CTNNA3: variants seen among roughly 807,000 people sequenced by gnomAD.
CTNNA3 encodes the protein catenin alpha-3.
Under a neutral mutation model 95.7 loss-of-function variants are expected in CTNNA3, and 76 were observed. That is an observed-to-expected ratio of 0.79 (90% confidence interval 0.66 to 0.96). The LOEUF (loss-of-function observed/expected upper bound fraction) is 0.96. Among genes scored for constraint, CTNNA3 ranks in the 40% least tolerant of loss-of-function variants. The probability of loss-of-function intolerance (pLI) is 0.00; values close to 1 mark genes in which losing one functional copy is unlikely to be tolerated. For synonymous variants in CTNNA3, 431 were observed against 374.4 expected, an observed-to-expected ratio of 1.15 and a Z score of -1.74; for missense variants, 1,191 against 1,089.8, an observed-to-expected ratio of 1.09 and a Z score of -1.31.
chr10:66,439,657 C>T (rs189707375), intron 11 of CTNNA3, among the ~76,000 whole-genome samples: 21 of 151,996 alleles, frequency 1.4e-4, no homozygotes, highest in Admixed American at 2.0e-4. Context: ...GAGGAATATC[C>T]GGCTAATAAA....
chr10:67,562,095 T>C lies in CTNNA3; in HGVS notation c.293-22426A>G, dbSNP rs1001446171. On this transcript the variant is annotated intron_variant, in intron 3 of 17. Transcript: ENST00000433211. ...ATTGGTACCATTCTTTCTGAAACTATTCCAATCAATAGAAAAAGAGGGAAT... is the reference window on the plus strand; with the variant it reads ...ATTGGTACCATTCTTTCTGAAACTACTCCAATCAATAGAAAAAGAGGGAAT... 1.8e-4 allele frequency among the ~76,000 whole-genome samples: 27 copies of C among 152,158 alleles called. 1 individual carries two copies. Among genetic ancestry groups the C allele is most frequent in the Admixed American group, 1.2e-3 (18 of 15,276 alleles).
chr10:67,048,832 C>G (rs1410373078), intron 7 of CTNNA3, among the ~76,000 whole-genome samples: 2 of 152,026 alleles, frequency 1.3e-5, no homozygotes, highest in Non-Finnish European at 2.9e-5. Flanking sequence ...TGATGTCTCA[C>G]CGTTCCCAGC....
chr10:67,585,397 T>A (rs368998042), intron 3 of CTNNA3, among the ~76,000 whole-genome samples: 3 of 152,184 alleles, frequency 2.0e-5, no homozygotes, highest in Non-Finnish European at 4.4e-5. Context: ...TTTGTAAAAG[T>A]TTCAGGAGGA....
chr10:67,574,863 G>A (rs1290372738), intron 3 of CTNNA3, among the ~76,000 whole-genome samples: 2 of 152,156 alleles, frequency 1.3e-5, no homozygotes, highest in Non-Finnish European at 2.9e-5. Flanking sequence ...TTACAGGCAT[G>A]AGCCACCAAG....
intron 12 of CTNNA3, among the ~76,000 whole-genome samples, chr10:66,378,652 C>T (rs182784629): frequency 8.1e-4 from 123 of 152,232 alleles, no homozygotes; most frequent in African/African-American, 2.7e-3. Context: ...AGAGTGGTTC[C>T]ACATTTCTTA....
At chr10:67,366,866 G>A (rs1843239133) in intron 5 of CTNNA3, among the ~76,000 whole-genome samples, 1 of 151,974 alleles carries the variant, frequency 6.6e-6, no homozygotes. Context: ...ATTAACTCAA[G>A]ATGGATTAAA....
chr10:66,952,652 C>T (rs1848593429), intron 7 of CTNNA3, among the ~76,000 whole-genome samples: 2 of 152,008 alleles, frequency 1.3e-5, no homozygotes, highest in South Asian at 4.1e-4. Flanking sequence ...TTGACATTGT[C>T]ATAGTCAGGT....
At chr10:66,405,096 GATCA>G (rs1370414450) in intron 11 of CTNNA3, among the ~76,000 whole-genome samples, 1 of 152,160 alleles carries the variant, frequency 6.6e-6, no homozygotes, top group African/African-American at 2.4e-5. Context: ...TCAATAGTAT[GATCA>G]ATCAGAGTTT....
intron 2 of CTNNA3, among the ~76,000 whole-genome samples, chr10:67,638,126 G>A (rs61854191): frequency 6.6e-5 from 10 of 152,208 alleles, no homozygotes; most frequent in African/African-American, 1.7e-4. Context: ...CCCATCTCAC[G>A]TGCAGAGACA....
chr10:66,198,272 C>T (rs1241780519), intron 13 of CTNNA3, among the ~76,000 whole-genome samples: 4 of 152,034 alleles, frequency 2.6e-5, no homozygotes, highest in East Asian at 3.9e-4. Flanking sequence ...TTTTTCAAAG[C>T]GTTTTTAATG....
chr10:67,725,661 T>C (rs1032178169), intron 1 of CTNNA3, among the ~76,000 whole-genome samples: 1 of 151,604 alleles, frequency 6.6e-6, no homozygotes, highest in Non-Finnish European at 1.5e-5. Context: ...AATAAAGAGA[T>C]AGGGATAGAG....
chr10:67,734,885 A>G (rs954460501), intron 1 of CTNNA3, among the ~76,000 whole-genome samples: 2 of 152,206 alleles, frequency 1.3e-5, no homozygotes, highest in Non-Finnish European at 2.9e-5. Flanking sequence ...AATAAAACCT[A>G]TGATACATAC....
intron 17 of CTNNA3, among the ~76,000 whole-genome samples, chr10:65,940,666 G>T (rs1786908): frequency 0.47 from 70,706 of 151,958 alleles, 16,524 homozygotes; most frequent in East Asian, 0.53. Flanking sequence ...CCTTTATCCC[G>T]GCAGTGAAAC....
At chr10:67,050,478 C>A (rs1855018373) in intron 7 of CTNNA3, among the ~76,000 whole-genome samples, 1 of 152,158 alleles carries the variant, frequency 6.6e-6, no homozygotes, top group South Asian at 2.1e-4. Context: ...GCTTAGATTG[C>A]AGAACAGACA....
At chr10:66,854,988 A>AAT (rs1238023118) in intron 7 of CTNNA3, among the ~76,000 whole-genome samples, 8 of 152,014 alleles carry the variant, frequency 5.3e-5, no homozygotes, top group Admixed American at 3.3e-4. Flanking sequence ...AAAGATAAAA[A>AAT]ATATATATAT....
In CTNNA3 at chr10:66,380,927, GACTTAGACTCCC is replaced by G. The variant is rs1376964604; in HGVS notation, c.1532-1587_1532-1576del. On this transcript the variant is annotated intron_variant, in intron 11 of 17. Transcript: ENST00000433211. ...GCAAGTCCTTAGAGACCTACAAAGA[GACTTAGACTCCC>G]ACACAATAATAATGGGAGACTTTAA... 2.6e-3 allele frequency among the ~76,000 whole-genome samples: 397 copies of G among 151,890 alleles called. 2 individuals carry two copies. Among genetic ancestry groups the G allele is most frequent in the African/African-American group, 9.3e-3 (386 of 41,410 alleles).
chr10:66,948,215 C>T (rs1310609860), intron 7 of CTNNA3, among the ~76,000 whole-genome samples: 2 of 152,168 alleles, frequency 1.3e-5, no homozygotes, highest in Admixed American at 6.5e-5. Flanking sequence ...ATTATGCCCA[C>T]TTGGTGAACT....
intron 5 of CTNNA3, among the ~76,000 whole-genome samples, chr10:67,283,080 G>C (rs1485383005): frequency 1.3e-5 from 2 of 152,174 alleles, no homozygotes; most frequent in East Asian, 3.8e-4. Context: ...AGGACAAGAA[G>C]AATCTAGACA....
chr10:67,151,821 T>C (rs922513077), intron 7 of CTNNA3, among the ~76,000 whole-genome samples: 4 of 152,204 alleles, frequency 2.6e-5, no homozygotes, highest in African/African-American at 7.2e-5. Flanking sequence ...GAAATATACA[T>C]GATAGAATGC....
Sources: gnomAD v4.1 joint callset for allele counts (sites outside exome capture counted in the v4.1 genomes callset) on GRCh38, gnomAD v4.1.1 for gene constraint, MANE v1.5 for transcripts, NCBI Gene and HGNC (gene_info 2026-07-23, HGNC 2026-07-21) for gene names.